Variants in CPEB3 observed in about 807,000 individuals in gnomAD.
The protein encoded by CPEB3 is cytoplasmic polyadenylation element-binding protein 3.
A neutral mutation model predicts 67.2 loss-of-function variants in CPEB3; 20 were observed. That is an observed-to-expected ratio of 0.30 (90% CI 0.21 to 0.43). The LOEUF (loss-of-function observed/expected upper bound fraction) is 0.43, where lower values mean the gene tolerates loss of function less well. Among genes scored for constraint, CPEB3 ranks in the 20% least tolerant of loss-of-function variants. CPEB3 has a pLI of 1.00. For missense variants in CPEB3, 746 were observed against 968.6 expected (o/e 0.77, Z 3.05); for synonymous variants, 376 against 393.1 (o/e 0.96, Z 0.51).
intron 1 of CPEB3, among the ~76,000 whole-genome samples, chr10:92,286,604 T>C (rs1185613665): frequency 1.4e-5 from 2 of 146,746 alleles, no homozygotes; most frequent in Admixed American, 1.4e-4. Flanking sequence ...AAAAAAAACA[T>C]AGGTATAGTT....
At chr10:92,115,528 C>T (rs1219578824) in intron 6 of CPEB3, among the ~76,000 whole-genome samples, 1 of 152,020 alleles carries the variant, frequency 6.6e-6, no homozygotes, top group Non-Finnish European at 1.5e-5. Context: ...GCTAATTGGG[C>T]GGAAAAGAAA....
At chr10:92,242,721 A>C (rs1851902274) in intron 1 of CPEB3, among the ~76,000 whole-genome samples, 1 of 152,228 alleles carries the variant, frequency 6.6e-6, no homozygotes, top group African/African-American at 2.4e-5. Flanking sequence ...AAAAAGCCAA[A>C]AAGTAAGCTG....
intron 7 of CPEB3, among the ~76,000 whole-genome samples, chr10:92,100,951 T>TA (rs1844157773): frequency 6.6e-6 from 1 of 152,202 alleles, no homozygotes; most frequent in South Asian, 2.1e-4. Context: ...CACATATCCC[T>TA]ACAGCTAGAG....
intron 3 of CPEB3, among the ~76,000 whole-genome samples, chr10:92,189,678 T>TA (rs1016492833): frequency 1.3e-5 from 2 of 150,156 alleles, no homozygotes; most frequent in African/African-American, 4.9e-5. Flanking sequence ...TTGTTACCTC[T>TA]AGGTAGAGAG....
chr10:92,060,932 A>C (rs1310379704), intron 9 of CPEB3, among the ~76,000 whole-genome samples: 1 of 152,216 alleles, frequency 6.6e-6, no homozygotes, highest in East Asian at 1.9e-4. Flanking sequence ...AAATTAGTAC[A>C]ACCACCACGG....
chr10:92,167,300 C>T (rs1847789557), intron 4 of CPEB3, among the ~76,000 whole-genome samples: 2 of 152,190 alleles, frequency 1.3e-5, no homozygotes, highest in Non-Finnish European at 2.9e-5. Context: ...CACAACTTGG[C>T]TAACTAGCAC....
chr10:92,136,463 T>C (rs1448341703), intron 6 of CPEB3, among the ~76,000 whole-genome samples: 1 of 152,102 alleles, frequency 6.6e-6, no homozygotes, highest in Non-Finnish European at 1.5e-5. Flanking sequence ...AATAACAATA[T>C]ATAAAGAGCT....
intron 3 of CPEB3, among the ~76,000 whole-genome samples, chr10:92,189,112 T>G (rs1314575569): frequency 1.3e-5 from 2 of 152,216 alleles, no homozygotes; most frequent in African/African-American, 4.8e-5. Context: ...TGTGAACATA[T>G]TTTTACCATG....
chr10:92,174,219 A>G (rs1027412385), intron 4 of CPEB3, among the ~76,000 whole-genome samples: 2 of 152,156 alleles, frequency 1.3e-5, no homozygotes, highest in East Asian at 1.9e-4. Context: ...CCTCTCCCCA[A>G]GGAGTTCACT....
At position 92,282,370 on chromosome 10, in the gene CPEB3, G is replaced by A. The variant is rs200080052; in HGVS notation, c.-12+8556C>T. ...AAGTAGCAAGTGAAGCCTCTCTCTA[G>A]AACTAAGAAACTAAAGTCAAATCAA... On this transcript the variant is annotated intron_variant, in intron 1 of 9. Coordinates refer to ENST00000265997, the MANE Select transcript of CPEB3 (RefSeq NM_014912.5). Among the ~76,000 whole-genome samples the A allele has an allele frequency of 7.9e-5, 12 of 152,212 alleles. No homozygotes were observed. In the East Asian group the frequency reaches 1.9e-3, roughly 24 times the overall value.
intron 9 of CPEB3, among the ~76,000 whole-genome samples, chr10:92,055,323 C>T (rs1015689305): frequency 3.3e-5 from 5 of 152,234 alleles, no homozygotes; most frequent in South Asian, 2.1e-4. Flanking sequence ...ATAACTGCCT[C>T]GAGGCCAGAG....
chr10:92,258,410 T>C (rs889806095), intron 1 of CPEB3, among the ~76,000 whole-genome samples: 9 of 151,816 alleles, frequency 5.9e-5, no homozygotes, highest in African/African-American at 1.9e-4. Flanking sequence ...AACATCCTAA[T>C]ATATTTAATA....
chr10:92,238,543 C>G (rs1364951650), intron 2 of CPEB3, among the ~76,000 whole-genome samples: 1 of 151,560 alleles, frequency 6.6e-6, no homozygotes, highest in Non-Finnish European at 1.5e-5. Flanking sequence ...GACACTGCAG[C>G]TTTAAATATT....
chr10:92,275,942 G>T (rs1273631898), intron 1 of CPEB3, among the ~76,000 whole-genome samples: 1 of 146,796 alleles, frequency 6.8e-6, no homozygotes, highest in South Asian at 2.1e-4. Context: ...TCCGCCTCCT[G>T]GGTTCACGCC....
intron 2 of CPEB3, chr10:92,216,876 A>T (rs1476914101): frequency 7.1e-6 from 9 of 1,266,614 alleles, no homozygotes; most frequent in Admixed American, 1.8e-5. Context: ...CTGCCCACCC[A>T]CACTGACGGC....
chr10:92,073,038 C>CTTTTTTT (rs546510647), intron 9 of CPEB3, among the ~76,000 whole-genome samples: 1 of 61,264 alleles, frequency 1.6e-5, no homozygotes, highest in Non-Finnish European at 2.9e-5. Context: ...GAATCTCTGT[C>CTTTTTTT]TTTTTTTTTT....
At chr10:92,209,142 C>CACAA (rs1389226797) in intron 2 of CPEB3, among the ~76,000 whole-genome samples, 1 of 152,092 alleles carries the variant, frequency 6.6e-6, no homozygotes, top group African/African-American at 2.4e-5. Context: ...ATTTTGTTAG[C>CACAA]ACTAACGTTT....
chr10:92,285,693 T>C (rs542414330), intron 1 of CPEB3, among the ~76,000 whole-genome samples: 2 of 152,330 alleles, frequency 1.3e-5, no homozygotes, highest in South Asian at 2.1e-4. Context: ...CTTCTTTCTT[T>C]ACATCCTTTC....
intron 9 of CPEB3, among the ~76,000 whole-genome samples, chr10:92,079,894 G>A (rs1346079940): frequency 6.6e-6 from 1 of 152,164 alleles, no homozygotes; most frequent in East Asian, 1.9e-4. Context: ...CAGTTGCACA[G>A]GCAGGTGTTC....
Sources: allele counts gnomAD v4.1 joint callset (sites outside exome capture counted in the v4.1 genomes callset), GRCh38; gene constraint gnomAD v4.1.1; transcripts MANE v1.5; gene names NCBI Gene and HGNC (gene_info 2026-07-23, HGNC 2026-07-21).